TMEM131L: variants seen among roughly 807,000 people sequenced by gnomAD.
The protein encoded by TMEM131L is transmembrane 131 like.
A neutral mutation model predicts 192.2 loss-of-function variants in TMEM131L; 54 were observed. That is an observed-to-expected ratio of 0.28 (90% CI 0.23 to 0.35). The LOEUF is 0.35. TMEM131L is among the 10% of genes least tolerant of loss of function. The pLI is 1.00. For synonymous variants in TMEM131L, 701 were observed against 704.9 expected, an observed-to-expected ratio of 0.99 and a Z score of 0.09; for missense variants, 1,888 against 1,972.9, an observed-to-expected ratio of 0.96 and a Z score of 0.82.
intron 3 of TMEM131L, among the ~76,000 whole-genome samples, chr4:153,498,289 C>T (rs1006368665): frequency 6.6e-6 from 1 of 152,150 alleles, no homozygotes; most frequent in African/African-American, 2.4e-5. Context: ...GAGCCCTCCT[C>T]TGCTGGGAAC....
rs1392300490 is a variant in TMEM131L at position 153,592,592 on chromosome 4, G to T, written c.1922+8G>T. The T allele has an allele frequency of 3.7e-5, 59 of 1,588,082 alleles. No homozygotes were observed. Among genetic ancestry groups the T allele is most frequent in the Non-Finnish European group, 5.0e-5 (58 of 1,156,480 alleles). On this transcript the variant is annotated splice_region_variant and intron_variant, in intron 18 of 34. Coordinates refer to ENST00000409959, the MANE Select transcript of TMEM131L (RefSeq NM_001131007.2). Reference sequence around the variant, plus strand: ...GCACCTGCTCCACAGATGGTATGAAGACTTTTTTTCTGAGAGGCAGTTTGG... The same window carrying T: ...GCACCTGCTCCACAGATGGTATGAATACTTTTTTTCTGAGAGGCAGTTTGG...
chr4:153,593,336 G>C (rs1482921968), intron 18 of TMEM131L, among the ~76,000 whole-genome samples: 1 of 152,158 alleles, frequency 6.6e-6, no homozygotes, highest in Non-Finnish European at 1.5e-5. Flanking sequence ...GAGCCATCTT[G>C]TGTGTTGAAG....
intron 25 of TMEM131L, among the ~76,000 whole-genome samples, chr4:153,606,514 C>G (rs1001387584): frequency 1.3e-5 from 2 of 152,328 alleles, no homozygotes; most frequent in Middle Eastern, 3.4e-3. Flanking sequence ...AATTCTTCTT[C>G]AGGATCCTCC....
At chr4:153,587,657 A>G in intron 14 of TMEM131L, 85 bp from the exon 15 acceptor site, 1 of 973,644 alleles carries the variant, frequency 1.0e-6, no homozygotes, top group Non-Finnish European at 1.7e-6. Flanking sequence ...GGTGCAGACC[A>G]ATGTCTGCTT....
chr4:153,621,628 A>C (rs764918541), intron 27 of TMEM131L, 55 bp from the exon 28 acceptor site: 1 of 1,572,862 alleles, frequency 6.4e-7, no homozygotes, highest in Middle Eastern at 1.9e-4. Flanking sequence ...GGAAGTCTGC[A>C]TGTGTACATG....
At chr4:153,559,400 T>G (rs570453167) in intron 7 of TMEM131L, among the ~76,000 whole-genome samples, 1 of 152,354 alleles carries the variant, frequency 6.6e-6, no homozygotes, top group African/African-American at 2.4e-5. Context: ...TGAAAGGTTT[T>G]AAGCAGGAGA....
intron 31 of TMEM131L, among the ~76,000 whole-genome samples, chr4:153,631,466 C>T (rs188851405): frequency 6.6e-6 from 1 of 151,592 alleles, no homozygotes; most frequent in Non-Finnish European, 1.5e-5. Context: ...ACTCAGACAG[C>T]CCTAGATGGA....
At chr4:153,574,995 T>A (rs1236048133) in intron 7 of TMEM131L, among the ~76,000 whole-genome samples, 1 of 152,222 alleles carries the variant, frequency 6.6e-6, no homozygotes, top group Non-Finnish European at 1.5e-5. Context: ...TCTAAGTAAT[T>A]CTTTCATATT....
chr4:153,600,876 T>G (rs1731790846), intron 21 of TMEM131L, among the ~76,000 whole-genome samples: 1 of 152,194 alleles, frequency 6.6e-6, no homozygotes, highest in East Asian at 1.9e-4. Flanking sequence ...TTTGGGAGCA[T>G]GAGGCAGACG....
intron 31 of TMEM131L, chr4:153,632,463 A>G: frequency 2.2e-6 from 1 of 454,378 alleles, no homozygotes; most frequent in South Asian, 2.7e-5. Flanking sequence ...TGCAGAAAGT[A>G]GTTCCTCAAA....
At chr4:153,526,270 C>T (rs148452469) in intron 3 of TMEM131L, among the ~76,000 whole-genome samples, 23 of 152,310 alleles carry the variant, frequency 1.5e-4, no homozygotes, top group Middle Eastern at 3.4e-3. Flanking sequence ...GTCCACCTGT[C>T]CTCTCATCCA....
intron 7 of TMEM131L, among the ~76,000 whole-genome samples, chr4:153,565,329 T>A (rs1391482267): frequency 6.6e-6 from 1 of 152,236 alleles, no homozygotes; most frequent in African/African-American, 2.4e-5. Context: ...CTACTAGTCA[T>A]AACATCTAAG....
At chr4:153,547,536 G>A (rs1180900273) in intron 3 of TMEM131L, among the ~76,000 whole-genome samples, 1 of 152,132 alleles carries the variant, frequency 6.6e-6, no homozygotes, top group Admixed American at 6.5e-5. Flanking sequence ...CTTCATATCT[G>A]GCACATCATT....
At chr4:153,623,927 C>T (rs1024442791) in intron 29 of TMEM131L, among the ~76,000 whole-genome samples, 1 of 151,660 alleles carries the variant, frequency 6.6e-6, no homozygotes, top group Non-Finnish European at 1.5e-5. Context: ...CATCTGTTCA[C>T]TTCTCCCTTC....
chr4:153,581,121 G>A (rs1408521548), intron 8 of TMEM131L, among the ~76,000 whole-genome samples: 2 of 152,180 alleles, frequency 1.3e-5, no homozygotes, highest in Non-Finnish European at 1.5e-5. Flanking sequence ...AGGCGTGCTG[G>A]CGGGTGCCCG....
At chr4:153,578,363 A>T (rs895299748) in intron 7 of TMEM131L, among the ~76,000 whole-genome samples, 7 of 150,362 alleles carry the variant, frequency 4.7e-5, no homozygotes, top group Admixed American at 2.0e-4. Context: ...CAAGTATTTT[A>T]TTTTTTTTTG....
At chr4:153,605,730 A>C (rs1378392686) in intron 25 of TMEM131L, among the ~76,000 whole-genome samples, 1 of 152,228 alleles carries the variant, frequency 6.6e-6, no homozygotes, top group Non-Finnish European at 1.5e-5. Flanking sequence ...TCTAAATATA[A>C]CTTCATCTTT....
At chr4:153,531,665 G>A (rs1735911709) in intron 3 of TMEM131L, among the ~76,000 whole-genome samples, 2 of 152,176 alleles carry the variant, frequency 1.3e-5, no homozygotes, top group African/African-American at 4.8e-5. Flanking sequence ...ATAAAGTGCT[G>A]TTAGTATATT....
At chr4:153,495,172 G>A (rs751230039) in intron 3 of TMEM131L, among the ~76,000 whole-genome samples, 4 of 152,028 alleles carry the variant, frequency 2.6e-5, no homozygotes, top group African/African-American at 9.7e-5. Context: ...AAAATTAGCC[G>A]GGCGTGGTGG....
Sources: allele counts gnomAD v4.1 joint callset (sites outside exome capture counted in the v4.1 genomes callset), GRCh38; gene constraint gnomAD v4.1.1; transcripts MANE v1.5; gene names NCBI Gene and HGNC (gene_info 2026-07-23, HGNC 2026-07-21).